Variants in ANKRD62 observed in about 807,000 individuals in gnomAD.
The protein encoded by ANKRD62 is ankyrin repeat domain 62.
ANKRD62 carries 61 observed loss-of-function variants against 98.8 expected under a neutral mutation model. That is an observed-to-expected ratio of 0.62 (90% confidence interval 0.50 to 0.76). The LOEUF (loss-of-function observed/expected upper bound fraction) is 0.76. Among genes scored for constraint, ANKRD62 ranks in the 30% least tolerant of loss-of-function variants. The probability of loss-of-function intolerance (pLI) is 0.00; values close to 1 mark genes in which losing one functional copy is unlikely to be tolerated. For missense variants in ANKRD62, 933 were observed against 1,082.9 expected (o/e 0.86, Z 1.94); for synonymous variants, 341 against 367.9 (o/e 0.93, Z 0.84).
intron 7 of ANKRD62, among the ~76,000 whole-genome samples, chr18:12,105,417 G>C (rs199658167): frequency 6.6e-6 from 1 of 152,206 alleles, no homozygotes; most frequent in African/African-American, 2.4e-5. Flanking sequence ...TACAACTAGA[G>C]TTCCAGCCCT....
At chr18:12,100,936 A>G (rs749583584) in intron 6 of ANKRD62, among the ~76,000 whole-genome samples, 6 of 152,198 alleles carry the variant, frequency 3.9e-5, no homozygotes, top group Non-Finnish European at 5.9e-5. Flanking sequence ...TACAGCAACC[A>G]TTACCAGAAC....
downstream of ANKRD62, among the ~76,000 whole-genome samples, chr18:12,132,484 A>T (rs1910020359): frequency 6.6e-6 from 1 of 151,854 alleles, no homozygotes; most frequent in South Asian, 2.1e-4. Context: ...ACTCCCTTTT[A>T]AAAAGTGATT....
In ANKRD62 at chr18:12,094,181, T is replaced by G. The variant is rs1412394092; in HGVS notation, c.164T>G (p.Met55Arg). Reference protein sequence around the residue: ...AAIAGDVNKVMESILLRLNDL... With the variant: ...AAIAGDVNKVRESILLRLNDL... ...ATCGCAGGTGATGTGAACAAGGTGA[T>G]GGAGAGCATCTTGCTCAGGCTGAAT... is the stretch of plus-strand genomic sequence containing the variant. Residue 55 changes from methionine to arginine, a missense_variant, in exon 1 of 14, where the codon ATG (methionine) becomes AGG (arginine). Around this residue, in one of 3 missense-constraint regions of ANKRD62, gnomAD observed 549 missense variants for 587.9 expected, o/e 0.93. Coordinates refer to ENST00000587848, the MANE Select transcript of ANKRD62 (RefSeq NM_001277333.2). 1 of 1,531,574 alleles carries G rather than the reference T, an allele frequency of 6.5e-7. No homozygotes were observed. Among genetic ancestry groups the G allele is most frequent in the Admixed American group, 2.0e-5 (1 of 50,470 alleles). 94.9% of individuals were successfully genotyped at this position (1,531,574 alleles called of 1,614,324 possible).
chr18:12,094,931 C>T lies in ANKRD62; in HGVS notation c.219-240C>T, dbSNP rs371173273. The stretch of plus-strand genomic sequence containing the variant: ...GGTAGAGTTGGGTAGGATGTGGGTA[C>T]GATGCAAGGGTGGGGGTGGGGGTGG... On this transcript the variant is annotated intron_variant, in intron 1 of 13. Transcript: ENST00000587848. 9.5e-3 allele frequency among the ~76,000 whole-genome samples: 299 copies of T among 31,514 alleles called. 1 individual carries two copies. Among genetic ancestry groups the T allele is most frequent in the African/African-American group, 0.041 (279 of 6,872 alleles). 20.7% of individuals were successfully genotyped at this position (31,514 alleles called of 152,430 possible).
At chr18:12,145,468 A>G in the ANKRD62 span, among the ~76,000 whole-genome samples, 2 of 152,248 alleles carry the variant, frequency 1.3e-5, no homozygotes, top group African/African-American at 2.4e-5. Flanking sequence ...TTTTGCAAAT[A>G]CATGGCCAGG....
the ANKRD62 span, among the ~76,000 whole-genome samples, chr18:12,152,188 A>AC: frequency 6.7e-6 from 1 of 150,024 alleles, no homozygotes; most frequent in Middle Eastern, 3.4e-3. Context: ...AAAAAAAAAA[A>AC]AAAAAAAAAA....
intron 10 of ANKRD62, among the ~76,000 whole-genome samples, chr18:12,121,186 AC>A (rs1909774945): frequency 6.6e-6 from 1 of 152,214 alleles, no homozygotes; most frequent in East Asian, 1.9e-4. Flanking sequence ...TTAAAGAAAT[AC>A]CTTTCATGCC....
At chr18:12,145,860 C>T in the ANKRD62 span, among the ~76,000 whole-genome samples, 2 of 151,250 alleles carry the variant, frequency 1.3e-5, no homozygotes, top group Non-Finnish European at 2.9e-5. Flanking sequence ...TCCTGGATCC[C>T]GTTTCTCATC....
At chr18:12,121,862 G>GC (rs1909788391) in intron 10 of ANKRD62, among the ~76,000 whole-genome samples, 1 of 152,136 alleles carries the variant, frequency 6.6e-6, no homozygotes, top group Non-Finnish European at 1.5e-5. Flanking sequence ...CTCCCTCTTG[G>GC]GTGGAAGCAG....
At chr18:12,139,353 A>T in the ANKRD62 span, among the ~76,000 whole-genome samples, 1 of 152,110 alleles carries the variant, frequency 6.6e-6, no homozygotes, top group African/African-American at 2.4e-5. Flanking sequence ...CTTTTCTTTA[A>T]GAATGTTGAA....
the ANKRD62 span, among the ~76,000 whole-genome samples, chr18:12,136,740 G>T: frequency 6.6e-6 from 1 of 152,066 alleles, no homozygotes; most frequent in Non-Finnish European, 1.5e-5. Context: ...TTTGTAGTTT[G>T]TTCTCCTTGA....
intron 4 of ANKRD62, among the ~76,000 whole-genome samples, chr18:12,096,736 A>C (rs1249676834): frequency 1.3e-5 from 2 of 152,210 alleles, no homozygotes; most frequent in Admixed American, 1.3e-4. Context: ...ATTAGAGTTG[A>C]AAATCATTTT....
At chr18:12,119,075 G>T (rs996681333) in intron 10 of ANKRD62, among the ~76,000 whole-genome samples, 12 of 151,980 alleles carry the variant, frequency 7.9e-5, no homozygotes, top group African/African-American at 2.9e-4. Flanking sequence ...TATATTTAGG[G>T]CAATTCAGGT....
intron 8 of ANKRD62, among the ~76,000 whole-genome samples, chr18:12,108,395 A>ACTT (rs1383467858): frequency 6.6e-6 from 1 of 152,184 alleles, no homozygotes; most frequent in Admixed American, 6.5e-5. Context: ...GAAGTGCCAC[A>ACTT]CTTTAAAAAC....
chr18:12,141,236 T>C, the ANKRD62 span, among the ~76,000 whole-genome samples: 2 of 152,220 alleles, frequency 1.3e-5, no homozygotes, highest in Non-Finnish European at 2.9e-5. Flanking sequence ...GACCTGATTT[T>C]CAAGGTGCTG....
chr18:12,099,792 G>A (rs1267037337), intron 6 of ANKRD62, 110 bp downstream of exon 6: 1 of 467,174 alleles, frequency 2.1e-6, no homozygotes, highest in African/African-American at 2.0e-5. Flanking sequence ...ACTGTAAATT[G>A]AATGTATATT....
downstream of ANKRD62, among the ~76,000 whole-genome samples, chr18:12,131,188 G>C (rs919138325): frequency 2.6e-5 from 4 of 152,044 alleles, no homozygotes; most frequent in Admixed American, 2.6e-4. Flanking sequence ...ATATAATAGG[G>C]CTACATGATA....
intron 4 of ANKRD62, among the ~76,000 whole-genome samples, chr18:12,097,121 G>C (rs916183348): frequency 3.3e-5 from 5 of 152,060 alleles, no homozygotes; most frequent in African/African-American, 1.2e-4. Context: ...TATCCTTCCA[G>C]GGTGGTTGTG....
At chr18:12,115,324 C>A in intron 9 of ANKRD62, 69 bp from the exon 10 acceptor site, 1 of 1,368,206 alleles carries the variant, frequency 7.3e-7, no homozygotes, top group Non-Finnish European at 9.6e-7. Flanking sequence ...ATAATTCCCA[C>A]TGGTGTATAT....
Sources: gnomAD v4.1 joint callset for allele counts (sites outside exome capture counted in the v4.1 genomes callset) on GRCh38, gnomAD v4.1.1 for gene constraint, gnomAD v4.1.1 regional missense constraint, MANE v1.5 for transcripts, NCBI Gene and HGNC (gene_info 2026-07-23, HGNC 2026-07-21) for gene names.